The following MAPK4 variants were observed in gnomAD, a reference collection of about 807,000 sequenced individuals.
The protein encoded by MAPK4 is Erk3-related.
Under a neutral mutation model 47.7 loss-of-function variants are expected in MAPK4, and 22 were observed. That is an observed-to-expected ratio of 0.46 (90% CI 0.33 to 0.66). The LOEUF (loss-of-function observed/expected upper bound fraction) is 0.66, where lower values mean the gene tolerates loss of function less well. MAPK4 is among the 30% of genes least tolerant of loss of function. The pLI is 0.02. For missense variants in MAPK4, 736 were observed against 831.7 expected (o/e 0.88, Z 1.42); for synonymous variants, 390 against 365.7 (o/e 1.07, Z -0.76).
At chr18:50,725,848 T>TG in intron 4 of MAPK4, 114 bp from the exon 5 acceptor site, 1 of 905,914 alleles carries the variant, frequency 1.1e-6, no homozygotes, top group Non-Finnish European at 1.8e-6. Flanking sequence ...TAAAAACCTT[T>TG]TAACAAATGC....
intron 1 of MAPK4, among the ~76,000 whole-genome samples, chr18:50,619,428 C>T (rs1381254809): frequency 6.6e-6 from 1 of 152,218 alleles, no homozygotes; most frequent in East Asian, 1.9e-4. Flanking sequence ...ATCCTCCAAC[C>T]TCAGCCTCCC....
chr18:50,618,255 G>A (rs188171476), intron 1 of MAPK4, among the ~76,000 whole-genome samples: 155 of 152,094 alleles, frequency 1.0e-3, no homozygotes, highest in African/African-American at 3.7e-3. Context: ...TCTGCTCATC[G>A]ACCTCTGGGC....
At chr18:50,716,103 T>C (rs1419742030) in intron 3 of MAPK4, among the ~76,000 whole-genome samples, 1 of 152,158 alleles carries the variant, frequency 6.6e-6, no homozygotes, top group Non-Finnish European at 1.5e-5. Context: ...GGCTCTCCCA[T>C]TGCACTTCAT....
At chr18:50,646,233 A>G (rs1273050976) in intron 1 of MAPK4, among the ~76,000 whole-genome samples, 3 of 152,196 alleles carry the variant, frequency 2.0e-5, no homozygotes, top group Non-Finnish European at 4.4e-5. Context: ...ACCTCCCCTT[A>G]GAGATTCCCC....
chr18:50,620,653 C>T (rs2042723590), intron 1 of MAPK4, among the ~76,000 whole-genome samples: 1 of 152,062 alleles, frequency 6.6e-6, no homozygotes, highest in Admixed American at 6.5e-5. Flanking sequence ...GCCTATAATC[C>T]TAACACTTTG....
chr18:50,607,241 C>T (rs527561481), intron 1 of MAPK4, among the ~76,000 whole-genome samples: 5 of 152,202 alleles, frequency 3.3e-5, no homozygotes, highest in Admixed American at 6.5e-5. Flanking sequence ...CACAACCACA[C>T]GACATGAGTA....
At position 50,596,418 on chromosome 18, in the gene MAPK4, G is replaced by T. The variant is rs1284558888; in HGVS notation, c.-871+36175G>T. Among the ~76,000 whole-genome samples the T allele has an allele frequency of 2.0e-5, 3 of 152,086 alleles. No homozygotes were observed. The East Asian group carries it at 5.8e-4, about 29-fold the overall frequency. On this transcript the variant is annotated intron_variant, in intron 1 of 5. Coordinates refer to ENST00000400384, the MANE Select transcript of MAPK4 (RefSeq NM_002747.4). ...TCCTCTTACAATAGCATGAGCCTAG[G>T]TCACTCCCCTAAGGAACATCATACC...
intron 1 of MAPK4, among the ~76,000 whole-genome samples, chr18:50,580,179 TGGA>T (rs534123721): frequency 2.0e-4 from 31 of 152,202 alleles, no homozygotes; most frequent in African/African-American, 6.3e-4. Context: ...CTGAGTAGGC[TGGA>T]GGAGGAGGAG....
At chr18:50,686,251 C>T (rs1419899313) in intron 2 of MAPK4, among the ~76,000 whole-genome samples, 1 of 152,200 alleles carries the variant, frequency 6.6e-6, no homozygotes, top group African/African-American at 2.4e-5. Context: ...AACTAAAATT[C>T]AGAAAGACTG....
chr18:50,570,836 C>T (rs2042243498), intron 1 of MAPK4, among the ~76,000 whole-genome samples: 1 of 152,214 alleles, frequency 6.6e-6, no homozygotes, highest in Admixed American at 6.5e-5. Context: ...AAGTGTATTT[C>T]CTGAGTTTGA....
intron 2 of MAPK4, among the ~76,000 whole-genome samples, chr18:50,666,997 G>A (rs1408608810): frequency 6.6e-6 from 1 of 152,164 alleles, no homozygotes; most frequent in Non-Finnish European, 1.5e-5. Context: ...CAGCTGATAT[G>A]GCCAAAGGAC....
At chr18:50,623,507 A>G (rs2042750172) in intron 1 of MAPK4, among the ~76,000 whole-genome samples, 1 of 152,172 alleles carries the variant, frequency 6.6e-6, no homozygotes, top group African/African-American at 2.4e-5. Flanking sequence ...AGCAGATCCC[A>G]TTAGTTCCAC....
At chr18:50,589,616 A>G (rs1274784025) in intron 1 of MAPK4, among the ~76,000 whole-genome samples, 1 of 142,884 alleles carries the variant, frequency 7.0e-6, no homozygotes, top group African/African-American at 2.5e-5. Flanking sequence ...AAAAAAAATT[A>G]ACTCTAAATG....
Position 50,664,419 on chromosome 18 carries a change from A to G in MAPK4, c.461A>G (p.Asn154Ser). The G allele has an allele frequency of 6.2e-7, 1 of 1,614,044 alleles. No homozygotes were observed. Among genetic ancestry groups the G allele is most frequent in the East Asian group, 2.2e-5 (1 of 44,898 alleles). Residue 154 changes from asparagine to serine, a missense_variant, in exon 2 of 6, where the codon AAC (asparagine) becomes AGC (serine). Physicochemically the swap from Asn to Ser is conservative, Grantham distance 46. Coordinates refer to ENST00000400384, the MANE Select transcript of MAPK4 (RefSeq NM_002747.4). This position sits in a 1 kb window ranked among gnomAD's most constrained non-coding sequence, Gnocchi z 6.0. ...CTGCACAGGGACCTGAAGCCCGCCA[A>G]CATCTTCATCAGCACAGAGGACCTC... ...NVLHRDLKPA[N>S]IFISTEDLVL...
At position 50,729,150 on chromosome 18, in the gene MAPK4, C is replaced by A. The variant is rs752170081; in HGVS notation, c.1068-8C>A. The A allele has an allele frequency of 6.4e-7, 1 of 1,562,394 alleles. No individual in the cohort carries two copies. Among genetic ancestry groups the A allele is most frequent in the East Asian group, 2.3e-5 (1 of 43,960 alleles). The stretch of plus-strand genomic sequence containing the variant: ...CATCCAATCACCGCTCTGTTTGTAC[C>A]CTTGCAGGTACCCTGTGAGCCTGTC... On this transcript the variant is annotated splice_region_variant and splice_polypyrimidine_tract_variant and intron_variant, in intron 5 of 5. Coordinates refer to ENST00000400384, the MANE Select transcript of MAPK4 (RefSeq NM_002747.4).
At chr18:50,579,534 T>G (rs1283974238) in intron 1 of MAPK4, among the ~76,000 whole-genome samples, 3 of 152,106 alleles carry the variant, frequency 2.0e-5, no homozygotes, top group African/African-American at 7.2e-5. Context: ...GGGGAGGAAT[T>G]GTTCTCTGCC....
intron 2 of MAPK4, among the ~76,000 whole-genome samples, chr18:50,700,157 C>T (rs552131705): frequency 6.6e-6 from 1 of 152,342 alleles, no homozygotes; most frequent in Non-Finnish European, 1.5e-5. Flanking sequence ...CAGTCATCCC[C>T]ATCCTGAAGC....
intron 2 of MAPK4, among the ~76,000 whole-genome samples, chr18:50,695,694 C>A (rs1909479726): frequency 2.0e-5 from 3 of 152,118 alleles, no homozygotes; most frequent in Admixed American, 2.0e-4. Flanking sequence ...GAGAAGGCTG[C>A]ATAGGATGAG....
At chr18:50,726,350 A>C (rs1395914903) in intron 5 of MAPK4, among the ~76,000 whole-genome samples, 175 bp downstream of exon 5, 1 of 152,076 alleles carries the variant, frequency 6.6e-6, no homozygotes, top group African/African-American at 2.4e-5. Context: ...GTAAATGACC[A>C]GTGTGAGTTG....
Sources: allele counts gnomAD v4.1 joint callset (sites outside exome capture counted in the v4.1 genomes callset), GRCh38; gene constraint gnomAD v4.1.1; non-coding constraint Gnocchi (gnomAD v3.1); transcripts MANE v1.5; gene names NCBI Gene and HGNC (gene_info 2026-07-23, HGNC 2026-07-21).